Variants in GPR174 observed in about 807,000 individuals in gnomAD.
GPR174 encodes G protein-coupled receptor 174, also known as probable G protein-coupled receptor 174.
In GPR174, 8 loss-of-function variants were observed where a neutral mutation model predicts 16.5. The observed-to-expected ratio is 0.48, with a 90% CI of 0.28 to 0.87. The LOEUF (loss-of-function observed/expected upper bound fraction) is 0.87, where lower values mean the gene tolerates loss of function less well. Among genes scored for constraint, GPR174 ranks in the 40% least tolerant of loss-of-function variants. The probability of loss-of-function intolerance (pLI) is 0.09; values close to 1 mark genes in which losing one functional copy is unlikely to be tolerated. For synonymous variants in GPR174, 111 were observed against 94.8 expected, an observed-to-expected ratio of 1.17 and a Z score of -0.99; for missense variants, 214 against 247.5, an observed-to-expected ratio of 0.86 and a Z score of 0.91.
At chrX:79,165,003 T>G (rs1921323655) in intron 2 of GPR174, among the ~76,000 whole-genome samples, 1 of 111,690 alleles carries the variant, frequency 9.0e-6, no homozygotes, top group Admixed American at 9.5e-5. Context: ...TCATGGGCAT[T>G]TTTTTGTGTA....
In GPR174 at chrX:79,172,005, G is replaced by T. The variant is rs769060892; in HGVS notation, c.998G>T (p.Cys333Phe). 1 of 1,179,741 alleles carries T rather than the reference G, an allele frequency of 8.5e-7. No individual in the cohort carries two copies. Among genetic ancestry groups the T allele is most frequent in the South Asian group, 1.9e-5 (1 of 51,525 alleles). ...HTASTMTPEL[C>F] ...GCTTCCACCATGACACCTGAATTATGCTAAAACAAAAAACCAAACTGAATG... is the reference window on the plus strand; with the variant it reads ...GCTTCCACCATGACACCTGAATTATTCTAAAACAAAAAACCAAACTGAATG... The change falls in exon 3 of 3, where the codon TGC becomes TTC. Residue 333 changes from cysteine (C) to phenylalanine (F), a missense_variant. Transcript: ENST00000645147.
chrX:79,174,016 T>C lies in GPR174; in HGVS notation c.*2007T>C, dbSNP rs1188030887. ...TTAGTATTTTCTAGATTAGCATGAA[T>C]TACACTTCCTAAGGTCACTTTGGAA... On this transcript the variant is annotated 3_prime_UTR_variant, in exon 3 of 3. Transcript: ENST00000645147. The C allele has an allele frequency of 8.9e-6, 1 of 111,764 alleles. No individual in the cohort carries two copies. Among genetic ancestry groups the C allele is most frequent in the Non-Finnish European group, 1.9e-5 (1 of 53,146 alleles). 9.2% of individuals were successfully genotyped at this position (111,764 alleles called of 1,213,427 possible). A position where few individuals can be genotyped will look rare whatever the true frequency, so the allele number is the denominator to read the frequency against.
intron 2 of GPR174, among the ~76,000 whole-genome samples, chrX:79,162,289 C>A (rs748263524): frequency 2.7e-5 from 3 of 111,157 alleles, no homozygotes; most frequent in Non-Finnish European, 5.7e-5. Flanking sequence ...GTTCAAAGCA[C>A]CTATTTTTAT....
intron 2 of GPR174, among the ~76,000 whole-genome samples, chrX:79,161,948 T>C (rs1921244256): frequency 1.8e-5 from 2 of 111,905 alleles, no homozygotes; most frequent in Admixed American, 1.9e-4. Context: ...CTTGCTTTCG[T>C]TTTTACTTTC....
At chrX:79,157,156 A>T (rs1921118417) in intron 2 of GPR174, among the ~76,000 whole-genome samples, 1 of 111,872 alleles carries the variant, frequency 8.9e-6, no homozygotes, top group South Asian at 3.7e-4. Flanking sequence ...ATTCTTTTCA[A>T]TAGTGCTCTG....
At position 79,171,098 on chromosome X, in the gene GPR174, G is replaced by A; in HGVS notation, c.91G>A (p.Val31Met). The change falls in exon 3 of 3, where the codon GTG becomes ATG. Residue 31 changes from valine to methionine, a missense_variant. Val to Met is a conservative substitution (Grantham distance 21). Coordinates refer to ENST00000645147, the MANE Select transcript of GPR174 (RefSeq NM_032553.3). ...IYAVTYTVILVPGLIGNILAL... is the reference protein window; with the variant it reads ...IYAVTYTVILMPGLIGNILAL... Reference sequence around the variant, plus strand: ...TGCAGTGACATACACTGTCATTCTTGTGCCAGGTCTCATAGGGAATATATT... The same window carrying A: ...TGCAGTGACATACACTGTCATTCTTATGCCAGGTCTCATAGGGAATATATT... The A allele has an allele frequency of 1.7e-6, 2 of 1,207,492 alleles. No homozygotes were observed. The highest frequency in any genetic ancestry group is 3.0e-5 in the East Asian group (1 of 33,731).
At chrX:79,165,495 T>C (rs1371416014) in intron 2 of GPR174, among the ~76,000 whole-genome samples, 4 of 111,130 alleles carry the variant, frequency 3.6e-5, no homozygotes, top group African/African-American at 1.3e-4. Context: ...GAGTCTGGCA[T>C]TTGCAGCCTA....
Position 79,171,653 on chromosome X carries a change from T to C in GPR174, c.646T>C (p.Tyr216His), listed in dbSNP as rs1921519241. The C allele has an allele frequency of 8.3e-7, 1 of 1,211,313 alleles. No individual in the cohort carries two copies. Among genetic ancestry groups the C allele is most frequent in the African/African-American group, 1.7e-5 (1 of 57,719 alleles). The change falls in exon 3 of 3, where the codon TAT becomes CAT. Residue 216 changes from tyrosine to histidine, a missense_variant. Tyr to His is a moderately conservative substitution (Grantham distance 83). Coordinates refer to ENST00000645147, the MANE Select transcript of GPR174 (RefSeq NM_032553.3). ...GACGGTTTTATCACTGCAAGATAAA[T>C]ATCCCATGGCCCAAGATCTTGGAGA... ...WKTVLSLQDK[Y>H]PMAQDLGEKQ... is the part of the protein sequence containing the mutation.
chrX:79,165,102 T>A (rs1227298112), intron 2 of GPR174, among the ~76,000 whole-genome samples: 1 of 111,144 alleles, frequency 9.0e-6, no homozygotes, highest in Non-Finnish European at 1.9e-5. Context: ...TATTTAAATT[T>A]TTAAATTTTA....
chrX:79,171,234 T>C lies in GPR174; in HGVS notation c.227T>C (p.Ile76Thr). The change falls in exon 3 of 3, where the codon ATC becomes ACC. Residue 76 changes from isoleucine (I) to threonine (T), a missense_variant. Transcript: ENST00000645147. ...CAAGTTCTTTCCTTGCCACTGAGGA[T>C]CTTCTACTACTTGAATCATGACTGG... The part of the protein sequence containing the change: ...LLQVLSLPLR[I>T]FYYLNHDWPF... The C allele has an allele frequency of 2.5e-6, 3 of 1,210,849 alleles. No individual in the cohort carries two copies. Among genetic ancestry groups the C allele is most frequent in the Non-Finnish European group, 3.4e-6 (3 of 894,803 alleles).
At position 79,172,452 on chromosome X, in the gene GPR174, T is replaced by A. The variant is rs1921542210; in HGVS notation, c.*443T>A. On this transcript the variant is annotated 3_prime_UTR_variant, in exon 3 of 3. Transcript: ENST00000645147. The stretch of plus-strand genomic sequence containing the variant: ...ACAGTTTACATGCCATTTTCATATG[T>A]TTGGTTATATTTTAGTGGGATAGAT... The A allele has an allele frequency of 8.3e-6, 1 of 119,958 alleles. No homozygotes were observed. The highest frequency in any genetic ancestry group is 8.6e-5 in the Admixed American group (1 of 11,589). The allele number at this position is 119,958 out of a possible 1,213,427, so 9.9% of individuals were successfully genotyped here.
intron 2 of GPR174, 70 bp from the exon 3 acceptor site, chrX:79,170,382 G>C (rs1921479617): frequency 1.2e-5 from 1 of 82,176 alleles, no homozygotes; most frequent in Non-Finnish European, 2.6e-5. Context: ...ATATTTTTCT[G>C]AACACAGGCT....
Position 79,170,760 on chromosome X carries a change from A to T in GPR174, c.-248A>T. ...AGAGGGGAAATTGTAACAGCTTGTCATCTGTGCTTGTACACTAGACTTCCA... is the reference window on the plus strand; with the variant it reads ...AGAGGGGAAATTGTAACAGCTTGTCTTCTGTGCTTGTACACTAGACTTCCA... On this transcript the variant is annotated 5_prime_UTR_variant, in exon 3 of 3. Coordinates refer to ENST00000645147, the MANE Select transcript of GPR174 (RefSeq NM_032553.3). 1 of 363,611 alleles carries T rather than the reference A, an allele frequency of 2.8e-6. No individual in the cohort carries two copies. The highest frequency in any genetic ancestry group is 4.7e-6 in the Non-Finnish European group (1 of 212,220). The allele number at this position is 363,611 out of a possible 1,213,427, so 30.0% of individuals were successfully genotyped here.
At chrX:79,160,999 A>T (rs1191496307) in intron 2 of GPR174, among the ~76,000 whole-genome samples, 1 of 112,146 alleles carries the variant, frequency 8.9e-6, no homozygotes, top group East Asian at 2.8e-4. Context: ...ATTACAGATA[A>T]ATAGATAGTT....
intron 2 of GPR174, among the ~76,000 whole-genome samples, chrX:79,161,064 C>A (rs1393315371): frequency 8.9e-6 from 1 of 112,071 alleles, no homozygotes; most frequent in African/African-American, 3.2e-5. Context: ...AAGTACATAA[C>A]CACTTGATGG....
intron 2 of GPR174, among the ~76,000 whole-genome samples, chrX:79,165,676 A>C (rs1358875462): frequency 9.0e-6 from 1 of 111,500 alleles, no homozygotes; most frequent in Non-Finnish European, 1.9e-5. Flanking sequence ...ACCTGGAGTG[A>C]GGCCTTGATA....
Position 79,171,980 on chromosome X carries a change from GCTTCCAC to G in GPR174, c.975_981del (p.Ser326Ter). ...AAAATCCTTTGTGAGTAACCATACAGCTTCCACCATGACACCTGAATTATGCTAAAAC... is the reference window on the plus strand; with the variant it reads ...AAAATCCTTTGTGAGTAACCATACAGCATGACACCTGAATTATGCTAAAAC... On this transcript the variant is annotated frameshift_variant, in exon 3 of 3. Coordinates refer to ENST00000645147, the MANE Select transcript of GPR174 (RefSeq NM_032553.3). LOFTEE classifies it high-confidence loss of function. 1.7e-6 allele frequency: 2 copies of G among 1,196,560 alleles called. No homozygotes were observed. Among genetic ancestry groups the G allele is most frequent in the Non-Finnish European group, 2.2e-6 (2 of 888,980 alleles).
At chrX:79,159,827 TA>T (rs1921191068) in intron 2 of GPR174, among the ~76,000 whole-genome samples, 1 of 112,087 alleles carries the variant, frequency 8.9e-6, no homozygotes, top group Admixed American at 9.5e-5. Context: ...TTATTAGAGC[TA>T]AAATTCCCTC....
At chrX:79,145,510 A>G (rs1198975699) in intron 1 of GPR174, among the ~76,000 whole-genome samples, 2 of 112,018 alleles carry the variant, frequency 1.8e-5, no homozygotes, top group African/African-American at 6.5e-5. Context: ...TGAGTAAAAT[A>G]GTCCTGTGAA....
Sources: gnomAD v4.1 joint callset for allele counts (sites outside exome capture counted in the v4.1 genomes callset) on GRCh38, gnomAD v4.1.1 for gene constraint, MANE v1.5 for transcripts, NCBI Gene and HGNC (gene_info 2026-07-23, HGNC 2026-07-21) for gene names.